EMSY: variants seen among roughly 807,000 people sequenced by gnomAD.
EMSY encodes the protein EMSY transcriptional repressor, BRCA2 interacting, also known as BRCA2-interacting transcriptional repressor EMSY.
Under a neutral mutation model 134.6 loss-of-function variants are expected in EMSY, and 26 were observed. That is an observed-to-expected ratio of 0.19 (90% CI 0.14 to 0.27). The LOEUF (loss-of-function observed/expected upper bound fraction) is 0.27. Ranked by LOEUF, EMSY falls within the 10% of genes least tolerant of loss-of-function variation. The pLI is 1.00. For missense variants in EMSY, 1,305 were observed against 1,611.4 expected (o/e 0.81, Z 3.26); for synonymous variants, 579 against 577.8 (o/e 1.00, Z -0.03).
chr11:76,477,032 A>ATCTT (rs2135431062), intron 8 of EMSY, among the ~76,000 whole-genome samples: 1 of 152,092 alleles, frequency 6.6e-6, no homozygotes, highest in East Asian at 1.9e-4. Context: ...TTCAGGAAGG[A>ATCTT]TCTTTAGGAA....
At chr11:76,518,605 C>T (rs1460639513) in intron 11 of EMSY, among the ~76,000 whole-genome samples, 1 of 150,474 alleles carries the variant, frequency 6.6e-6, no homozygotes, top group Non-Finnish European at 1.5e-5. Context: ...TTTTACTATC[C>T]ATAGGACTGT....
Position 76,524,868 on chromosome 11 carries a change from C to T in EMSY, c.1821+1577C>T, listed in dbSNP as rs550046103. On this transcript the variant is annotated intron_variant, in intron 12 of 20. Transcript: ENST00000334736. ...GTGAAACTCCGTATCTACAAAATTA[C>T]AAAAATTAGCGTGAAGGTGTGCACC... 3.9e-5 allele frequency among the ~76,000 whole-genome samples: 6 copies of T among 152,208 alleles called. No homozygotes were observed. The South Asian group carries it at 1.0e-3, about 26-fold the overall frequency.
At chr11:76,481,678 A>G (rs907397653) in intron 8 of EMSY, among the ~76,000 whole-genome samples, 1 of 152,262 alleles carries the variant, frequency 6.6e-6, no homozygotes, top group African/African-American at 2.4e-5. Flanking sequence ...AAGCTGCTGT[A>G]GCCAGACTGC....
chr11:76,476,749 C>T (rs146583300), intron 8 of EMSY, among the ~76,000 whole-genome samples: 216 of 152,154 alleles, frequency 1.4e-3, no homozygotes, highest in African/African-American at 5.0e-3. Flanking sequence ...TGTACATTTT[C>T]TCCCCTAGAC....
rs571917903 is a variant in EMSY, at chr11:76,477,075, A to G, written c.1108+4235A>G. Reference sequence around the variant, plus strand: ...ATCCTGATTCCTAATGATTAATAAAATTATACCTTTAATGTATTGTATAAT... The same window carrying G: ...ATCCTGATTCCTAATGATTAATAAAGTTATACCTTTAATGTATTGTATAAT... On this transcript the variant is annotated intron_variant, in intron 8 of 20. Transcript: ENST00000334736. 5.3e-5 allele frequency among the ~76,000 whole-genome samples: 8 copies of G among 152,156 alleles called. No individual in the cohort carries two copies. The South Asian group carries it at 1.7e-3, about 32-fold the overall frequency.
intron 6 of EMSY, among the ~76,000 whole-genome samples, chr11:76,462,308 A>G (rs576981457): frequency 2.0e-5 from 3 of 152,250 alleles, no homozygotes; most frequent in Non-Finnish European, 4.4e-5. Context: ...ACTATTTCAT[A>G]TAATATGTAG....
chr11:76,504,682 A>C (rs1950005186), intron 9 of EMSY, among the ~76,000 whole-genome samples: 1 of 152,232 alleles, frequency 6.6e-6, no homozygotes, highest in African/African-American at 2.4e-5. Flanking sequence ...ACTCCTAGGT[A>C]TATATACAAG....
chr11:76,530,452 C>T (rs924660011), intron 14 of EMSY, among the ~76,000 whole-genome samples: 7 of 152,100 alleles, frequency 4.6e-5, no homozygotes, highest in African/African-American at 1.4e-4. Flanking sequence ...TGAGCCACTG[C>T]GTCCAGCTGA....
chr11:76,448,984 C>G (rs1046299538), intron 2 of EMSY, among the ~76,000 whole-genome samples: 2 of 152,056 alleles, frequency 1.3e-5, no homozygotes, highest in African/African-American at 4.8e-5. Context: ...CTCTCCCCTT[C>G]CCTATTTTTG....
At chr11:76,447,060 T>G in intron 2 of EMSY, 52 bp downstream of exon 2, 1 of 1,566,858 alleles carries the variant, frequency 6.4e-7, no homozygotes, top group Non-Finnish European at 8.8e-7. Flanking sequence ...TTTTTTCCCT[T>G]TCTGCCTAGG....
At chr11:76,488,586 A>G (rs1349755139) in intron 8 of EMSY, among the ~76,000 whole-genome samples, 1 of 150,448 alleles carries the variant, frequency 6.6e-6, no homozygotes, top group East Asian at 1.9e-4. Context: ...ATGGATTGTT[A>G]ATATCCAAAC....
At chr11:76,546,342 T>A in intron 20 of EMSY, 45 bp downstream of exon 21, 1 of 1,561,160 alleles carries the variant, frequency 6.4e-7, no homozygotes. Flanking sequence ...ATCTTGGGGG[T>A]TGTGGGTTTG....
chr11:76,472,741 G>A, exon 8 of EMSY: 1 of 1,614,084 alleles, frequency 6.2e-7, no homozygotes, highest in Non-Finnish European at 8.5e-7. Context: ...TAGCAGCAGT[G>A]GCAGCAGCAG....
intron 2 of EMSY, among the ~76,000 whole-genome samples, chr11:76,449,564 T>G (rs181364285): frequency 7.0e-4 from 106 of 152,356 alleles, no homozygotes; most frequent in South Asian, 1.9e-3. Flanking sequence ...CTTTGACCTC[T>G]TCATTTCTTT....
At chr11:76,496,050 T>C (rs926082669) in intron 8 of EMSY, among the ~76,000 whole-genome samples, 165 bp from the exon 10 acceptor site, 2 of 152,226 alleles carry the variant, frequency 1.3e-5, no homozygotes, top group African/African-American at 2.4e-5. Context: ...AGATATCAGA[T>C]ATGTAAGGTG....
chr11:76,451,011 G>T, intron 2 of EMSY, among the ~76,000 whole-genome samples: 1 of 151,922 alleles, frequency 6.6e-6, no homozygotes, highest in East Asian at 1.9e-4. Context: ...TGCCCAGACT[G>T]GTCTCGAACT....
intron 8 of EMSY, among the ~76,000 whole-genome samples, chr11:76,483,783 C>T (rs558955901): frequency 9.2e-5 from 14 of 152,142 alleles, no homozygotes; most frequent in Admixed American, 2.6e-4. Flanking sequence ...GACTTAGACT[C>T]CCACACAATA....
intron 8 of EMSY, among the ~76,000 whole-genome samples, chr11:76,475,774 G>A (rs1948748616): frequency 6.6e-6 from 1 of 152,216 alleles, no homozygotes; most frequent in Admixed American, 6.5e-5. Flanking sequence ...AGCAGCTCCT[G>A]TGTGGGTACA....
exon 7 of EMSY, chr11:76,463,835 G>A (rs1948239562): frequency 6.2e-7 from 1 of 1,614,188 alleles, no homozygotes; most frequent in Non-Finnish European, 8.5e-7. Flanking sequence ...AAGCTGTTCA[G>A]ATGAAGATGA....
Sources: gnomAD v4.1 joint callset for allele counts (sites outside exome capture counted in the v4.1 genomes callset) on GRCh38, gnomAD v4.1.1 for gene constraint, MANE v1.5 for transcripts, NCBI Gene and HGNC (gene_info 2026-07-23, HGNC 2026-07-21) for gene names.